Variants in UPF2 observed in about 807,000 individuals in gnomAD.
UPF2 encodes UPF2 regulator of nonsense mediated mRNA decay, also known as regulator of nonsense transcripts 2.
In UPF2, 17 loss-of-function variants were observed where a neutral mutation model predicts 141.4. That is an observed-to-expected ratio of 0.12 (90% CI 0.08 to 0.18). The LOEUF is 0.18. UPF2 is among the 10% of genes least tolerant of loss of function. The pLI, the probability that UPF2 is intolerant of heterozygous loss-of-function variation, is 1.00. For missense variants in UPF2, 1,152 were observed against 1,515.9 expected (o/e 0.76, Z 3.99); for synonymous variants, 540 against 498.0 (o/e 1.08, Z -1.12).
rs1035307813 is a variant in UPF2, at chr10:11,997,898, A to T, written c.1759-141T>A. 6.3e-6 allele frequency: 5 copies of T among 791,510 alleles called. No individual in the cohort carries two copies. The Admixed American group carries it at 1.4e-4, about 21-fold the overall frequency. 49.0% of individuals were successfully genotyped at this position (791,510 alleles called of 1,614,324 possible). On this transcript the variant is annotated intron_variant, in intron 7 of 21. Transcript: ENST00000357604. The stretch of plus-strand genomic sequence containing the variant: ...AAACTAGTATTGTTAGTATCAGGAA[A>T]GTTTTCTGATAGAGCTCAAAAGTAG...
At chr10:11,947,814 TGTG>T (rs1038841326) in intron 16 of UPF2, among the ~76,000 whole-genome samples, 14 of 138,406 alleles carry the variant, frequency 1.0e-4, no homozygotes, top group South Asian at 2.3e-4. Flanking sequence ...AAAAAAGACA[TGTG>T]GAGATCAATT....
rs1331277517 is a variant in UPF2 at position 11,980,508 on chromosome 10, G to C, written c.1845-1343C>G. Reference sequence around the variant, plus strand: ...CATCTGTAATCCCAGCACTTTGGGAGGCTGAGGCAGGCAGATCACCTGGAG... The same window carrying C: ...CATCTGTAATCCCAGCACTTTGGGACGCTGAGGCAGGCAGATCACCTGGAG... On this transcript the variant is annotated intron_variant, in intron 8 of 21. Coordinates refer to ENST00000357604, the MANE Select transcript of UPF2 (RefSeq NM_015542.4). This position sits in a 1 kb window ranked among gnomAD's most constrained non-coding sequence, Gnocchi z 4.2. Among the ~76,000 whole-genome samples the C allele has an allele frequency of 6.6e-6, 1 of 152,082 alleles. No homozygotes were observed. The highest frequency in any genetic ancestry group is 1.5e-5 in the Non-Finnish European group (1 of 68,030).
At chr10:11,962,531 C>T (rs977214432) in intron 11 of UPF2, among the ~76,000 whole-genome samples, 1 of 152,168 alleles carries the variant, frequency 6.6e-6, no homozygotes, top group Non-Finnish European at 1.5e-5. Flanking sequence ...AGCCTCTCCC[C>T]AACCATCCAT....
At chr10:11,961,808 T>C (rs1564345881) in intron 11 of UPF2, among the ~76,000 whole-genome samples, 1 of 152,214 alleles carries the variant, frequency 6.6e-6, no homozygotes. Flanking sequence ...TGGACTGCTT[T>C]TCTATCTGTG....
Position 11,953,613 on chromosome 10 carries a change from C to T in UPF2, c.2851-1364G>A, listed in dbSNP as rs2131185937. Among the ~76,000 whole-genome samples the T allele has an allele frequency of 6.6e-6, 1 of 152,246 alleles. No individual in the cohort carries two copies. Among genetic ancestry groups the T allele is most frequent in the South Asian group, 2.1e-4 (1 of 4,818 alleles). ...CTCAGCCTAAGATGTCAGAGTGAAT[C>T]GAAAGGATTCTCTTCTGAGAGAGAT... On this transcript the variant is annotated intron_variant, in intron 14 of 21. Transcript: ENST00000357604. This position sits in a 1 kb window ranked among gnomAD's most constrained non-coding sequence, Gnocchi z 5.0.
Position 11,978,573 on chromosome 10 carries a change from A to G in UPF2, c.1953+484T>C, listed in dbSNP as rs796870370. Among the ~76,000 whole-genome samples, 7 of 152,322 alleles carry G rather than the reference A, an allele frequency of 4.6e-5. 1 individual carries two copies. Among genetic ancestry groups the G allele is most frequent in the African/African-American group, 1.4e-4 (6 of 41,572 alleles). On this transcript the variant is annotated intron_variant, in intron 9 of 21. Coordinates refer to ENST00000357604, the MANE Select transcript of UPF2 (RefSeq NM_015542.4). ...TCTTTAAAAAACTCACCATGGTCCAAGGTAAAACTTCTTAAGGCAAAATCA... is the reference window on the plus strand; with the variant it reads ...TCTTTAAAAAACTCACCATGGTCCAGGGTAAAACTTCTTAAGGCAAAATCA...
In UPF2 at chr10:11,979,216, A is replaced by G; in HGVS notation, c.1845-51T>C. 1 of 1,411,258 alleles carries G rather than the reference A, an allele frequency of 7.1e-7. No homozygotes were observed. Among genetic ancestry groups the G allele is most frequent in the Non-Finnish European group, 9.8e-7 (1 of 1,018,498 alleles). The allele number at this position is 1,411,258 out of a possible 1,614,324, so 87.4% of individuals were successfully genotyped here. ...TCAAAGGAAAGACATATCAAAAATA[A>G]TTCATTTTAAAATTTAAACTTTTCA... On this transcript the variant is annotated intron_variant, in intron 8 of 21. Transcript: ENST00000357604. This position sits in a 1 kb window ranked among gnomAD's most constrained non-coding sequence, Gnocchi z 6.2.
intron 4 of UPF2, among the ~76,000 whole-genome samples, chr10:12,008,662 T>C (rs553128208): frequency 1.3e-5 from 2 of 150,818 alleles, no homozygotes; most frequent in African/African-American, 4.9e-5. Flanking sequence ...GAAACATTCA[T>C]TCTCATACAC....
chr10:11,929,827 G>C lies in UPF2; in HGVS notation c.3809+38C>G, dbSNP rs375218118. The C allele has an allele frequency of 2.5e-6, 4 of 1,603,134 alleles. No homozygotes were observed. The African/African-American group carries it at 5.4e-5, about 21-fold the overall frequency. Reference sequence around the variant, plus strand: ...CTAATTTATTCTTATGGACATCATGGAAACAAACAGCTAAGGAAGGAGTAA... The same window carrying C: ...CTAATTTATTCTTATGGACATCATGCAAACAAACAGCTAAGGAAGGAGTAA... On this transcript the variant is annotated intron_variant, in intron 21 of 21. Coordinates refer to ENST00000357604, the MANE Select transcript of UPF2 (RefSeq NM_015542.4).
At position 11,953,414 on chromosome 10, in the gene UPF2, TA is replaced by T. The variant is rs1420679055; in HGVS notation, c.2851-1166del. Among the ~76,000 whole-genome samples the T allele has an allele frequency of 1.3e-5, 2 of 152,200 alleles. No individual in the cohort carries two copies. Among genetic ancestry groups the T allele is most frequent in the East Asian group, 3.8e-4 (2 of 5,202 alleles). On this transcript the variant is annotated intron_variant, in intron 14 of 21. Coordinates refer to ENST00000357604, the MANE Select transcript of UPF2 (RefSeq NM_015542.4). The surrounding 1 kb of genome is among the most constrained non-coding windows in gnomAD (Gnocchi z 5.0). ...TCCTTTCTTCCTGACCTTCTAATAC[TA>T]AACTGTACACTCCATGTTCTGGGTG...
Position 11,959,492 on chromosome 10 carries a change from G to C in UPF2, c.2185-136C>G. On this transcript the variant is annotated intron_variant, in intron 11 of 21. Coordinates refer to ENST00000357604, the MANE Select transcript of UPF2 (RefSeq NM_015542.4). This position sits in a 1 kb window ranked among gnomAD's most constrained non-coding sequence, Gnocchi z 5.9. ...GGCAAAGAAAGGACTGGGCACTGTG[G>C]CTCACACCTATAATCCCAGCACTTT... 1.1e-6 allele frequency: 1 copy of C among 882,386 alleles called. No homozygotes were observed. Among genetic ancestry groups the C allele is most frequent in the Non-Finnish European group, 1.6e-6 (1 of 613,744 alleles). The allele number at this position is 882,386 out of a possible 1,614,324, so 54.7% of individuals were successfully genotyped here.
At chr10:11,952,388 T>A (rs1211047063) in intron 14 of UPF2, 139 bp from the exon 15 acceptor site, 6 of 698,460 alleles carry the variant, frequency 8.6e-6, no homozygotes, top group Non-Finnish European at 1.3e-5. Context: ...TTTCTATTAA[T>A]GGTCAACAGC....
intron 9 of UPF2, among the ~76,000 whole-genome samples, chr10:11,968,713 A>C (rs1234445465): frequency 1.3e-5 from 2 of 152,222 alleles, no homozygotes; most frequent in East Asian, 3.8e-4. Context: ...ATCCTGCTGC[A>C]ACAGTACAAT....
In UPF2 at chr10:11,940,846, G is replaced by T. The variant is rs1180675952; in HGVS notation, c.3378+1819C>A. Among the ~76,000 whole-genome samples, 1 of 152,132 alleles carries T rather than the reference G, an allele frequency of 6.6e-6. No individual in the cohort carries two copies. Among genetic ancestry groups the T allele is most frequent in the African/African-American group, 2.4e-5 (1 of 41,414 alleles). ...CAGGATTGTGCCCCGCCCTCTATTAGTGCTGGCCGCCTTTTAGTTTTTTAA... is the reference window on the plus strand; with the variant it reads ...CAGGATTGTGCCCCGCCCTCTATTATTGCTGGCCGCCTTTTAGTTTTTTAA... On this transcript the variant is annotated intron_variant, in intron 18 of 21. Coordinates refer to ENST00000357604, the MANE Select transcript of UPF2 (RefSeq NM_015542.4). This position sits in a 1 kb window ranked among gnomAD's most constrained non-coding sequence, Gnocchi z 4.2.
chr10:11,965,751 G>A (rs1184641173), intron 10 of UPF2, among the ~76,000 whole-genome samples: 1 of 151,978 alleles, frequency 6.6e-6, no homozygotes, highest in Non-Finnish European at 1.5e-5. Flanking sequence ...GAGCCACCAC[G>A]TCCGGCCTCT....
intron 8 of UPF2, among the ~76,000 whole-genome samples, chr10:11,985,787 T>C (rs183743513): frequency 3.3e-5 from 5 of 152,010 alleles, no homozygotes; most frequent in Admixed American, 1.3e-4. Flanking sequence ...AAATAAAATA[T>C]TTTCATCAAC....
intron 2 of UPF2, among the ~76,000 whole-genome samples, chr10:12,029,872 CA>C (rs34912365): frequency 2.2e-3 from 325 of 150,822 alleles, no homozygotes; most frequent in African/African-American, 7.6e-3. Flanking sequence ...TGAGGCACAA[CA>C]CTTAAACCCA....
chr10:11,945,805 C>G (rs1314379624), intron 16 of UPF2, among the ~76,000 whole-genome samples: 1 of 152,128 alleles, frequency 6.6e-6, no homozygotes, highest in East Asian at 1.9e-4. Context: ...TTAGATACTG[C>G]TCATGTAATT....
At chr10:11,967,821 C>G (rs1833347398) in intron 9 of UPF2, among the ~76,000 whole-genome samples, 1 of 152,142 alleles carries the variant, frequency 6.6e-6, no homozygotes, top group African/African-American at 2.4e-5. Context: ...TCTCAAAGTG[C>G]TGGGATTAGA....
Sources: gnomAD v4.1 joint callset for allele counts (sites outside exome capture counted in the v4.1 genomes callset) on GRCh38, gnomAD v4.1.1 for gene constraint, Gnocchi (gnomAD v3.1) non-coding constraint, MANE v1.5 for transcripts, NCBI Gene and HGNC (gene_info 2026-07-23, HGNC 2026-07-21) for gene names.